The following SPAG16 variants were observed in gnomAD, a reference collection of about 807,000 sequenced individuals.
SPAG16 encodes the protein sperm associated antigen 16.
In SPAG16, 86 loss-of-function variants were observed where a neutral mutation model predicts 80.4. The observed-to-expected ratio is 1.07, with a 90% confidence interval of 0.90 to 1.28. The LOEUF is 1.28. Among genes scored for constraint, SPAG16 ranks in the 50% most tolerant of loss-of-function variants. SPAG16 has a pLI of 0.00. For synonymous variants in SPAG16, 294 were observed against 265.9 expected, an observed-to-expected ratio of 1.11 and a Z score of -1.03; for missense variants, 870 against 765.3, an observed-to-expected ratio of 1.14 and a Z score of -1.61.
chr2:214,397,260 A>T lies in SPAG16; in HGVS notation c.1721-12880A>T, dbSNP rs567876133. Among the ~76,000 whole-genome samples the T allele has an allele frequency of 3.1e-4, 46 of 149,732 alleles. No homozygotes were observed. The South Asian group carries it at 9.4e-3, about 31-fold the overall frequency. On this transcript the variant is annotated intron_variant, in intron 15 of 15. Coordinates refer to ENST00000331683, the MANE Select transcript of SPAG16 (RefSeq NM_024532.5). ...AACCTCCGCCTCCTGGATTCAAGCG[A>T]TTCTCCTGCCTCAGCCTCCCAAGTA...
chr2:213,667,180 G>GT, intron 10 of SPAG16, among the ~76,000 whole-genome samples: 1 of 152,302 alleles, frequency 6.6e-6, no homozygotes, highest in Middle Eastern at 3.4e-3. Context: ...AATATTGTTT[G>GT]TATCAGTCAC....
At chr2:213,858,351 CTGAT>C (rs1575375345) in intron 10 of SPAG16, among the ~76,000 whole-genome samples, 3 of 152,164 alleles carry the variant, frequency 2.0e-5, no homozygotes, top group Non-Finnish European at 4.4e-5. Context: ...AACCACAACT[CTGAT>C]TGGTCAGCAG....
intron 10 of SPAG16, among the ~76,000 whole-genome samples, chr2:213,681,015 A>G (rs920493888): frequency 1.3e-5 from 2 of 152,206 alleles, no homozygotes; most frequent in Non-Finnish European, 2.9e-5. Context: ...TTTATGGTGC[A>G]GAGGAATCTC....
chr2:213,825,533 T>A (rs1287568352), intron 10 of SPAG16, among the ~76,000 whole-genome samples: 2 of 152,084 alleles, frequency 1.3e-5, no homozygotes, highest in African/African-American at 4.8e-5. Flanking sequence ...CATCGATTGA[T>A]TTGCATATGT....
At chr2:213,672,368 T>C (rs1228926472) in intron 10 of SPAG16, among the ~76,000 whole-genome samples, 1 of 152,108 alleles carries the variant, frequency 6.6e-6, no homozygotes, top group Non-Finnish European at 1.5e-5. Flanking sequence ...CTCCCTTCTT[T>C]CCTTTCTTTC....
At chr2:214,097,047 G>C (rs966830423) in intron 13 of SPAG16, among the ~76,000 whole-genome samples, 9 of 151,838 alleles carry the variant, frequency 5.9e-5, no homozygotes, top group African/African-American at 2.2e-4. Flanking sequence ...TTGCTCTATT[G>C]TATTAAAATG....
chr2:213,651,433 T>A (rs1404538152), intron 10 of SPAG16, among the ~76,000 whole-genome samples: 1 of 152,212 alleles, frequency 6.6e-6, no homozygotes, highest in Admixed American at 6.5e-5. Context: ...GAGAAACCGG[T>A]ACTTCCTTTT....
At chr2:213,922,885 G>C (rs191996733) in intron 11 of SPAG16, among the ~76,000 whole-genome samples, 67 of 152,182 alleles carry the variant, frequency 4.4e-4, no homozygotes, top group South Asian at 8.3e-4. Flanking sequence ...CAAGGGCTGC[G>C]GTTGACAGAC....
intron 12 of SPAG16, among the ~76,000 whole-genome samples, chr2:213,936,631 G>C (rs2079000540): frequency 1.3e-5 from 2 of 152,178 alleles, no homozygotes; most frequent in Admixed American, 1.3e-4. Flanking sequence ...TGTGAATTGT[G>C]AGAGAAAGAG....
intron 10 of SPAG16, among the ~76,000 whole-genome samples, chr2:213,586,016 C>T (rs578175873): frequency 1.3e-3 from 198 of 152,146 alleles, no homozygotes; most frequent in Non-Finnish European, 2.3e-3. Context: ...AATATACTGA[C>T]GTATACCATG....
intron 15 of SPAG16, among the ~76,000 whole-genome samples, chr2:214,388,447 T>C (rs1306297040): frequency 2.6e-5 from 4 of 152,282 alleles, no homozygotes; most frequent in Non-Finnish European, 5.9e-5. Context: ...ATATATATGA[T>C]CTTTACATCC....
At chr2:213,473,796 T>C (rs1206530403) in intron 9 of SPAG16, among the ~76,000 whole-genome samples, 2 of 152,214 alleles carry the variant, frequency 1.3e-5, no homozygotes, top group Admixed American at 6.5e-5. Context: ...TTTCTGTTTA[T>C]ATAAATTAGA....
intron 11 of SPAG16, among the ~76,000 whole-genome samples, chr2:213,926,256 T>C (rs955064856): frequency 7.2e-5 from 11 of 152,180 alleles, no homozygotes; most frequent in African/African-American, 2.7e-4. Flanking sequence ...TTTATTTCCA[T>C]AGGTTTTTGC....
At chr2:214,395,892 T>C (rs1701338245) in intron 15 of SPAG16, among the ~76,000 whole-genome samples, 1 of 152,212 alleles carries the variant, frequency 6.6e-6, no homozygotes, top group South Asian at 2.1e-4. Flanking sequence ...TAGTATTCCA[T>C]GGTATATATG....
intron 10 of SPAG16, among the ~76,000 whole-genome samples, chr2:213,726,192 C>A (rs966176105): frequency 6.6e-6 from 1 of 152,206 alleles, no homozygotes; most frequent in African/African-American, 2.4e-5. Context: ...CCAGGAGCAA[C>A]CCTCAGTCGG....
At chr2:213,532,436 G>C in intron 10 of SPAG16, among the ~76,000 whole-genome samples, 1 of 150,844 alleles carries the variant, frequency 6.6e-6, no homozygotes, top group East Asian at 1.9e-4. Flanking sequence ...TTTCTTGAAA[G>C]TTTCTCTTCA....
intron 14 of SPAG16, among the ~76,000 whole-genome samples, chr2:214,142,523 G>T (rs1355187023): frequency 2.6e-5 from 4 of 151,896 alleles, no homozygotes; most frequent in Non-Finnish European, 5.9e-5. Flanking sequence ...CTTTCTTTGT[G>T]CTTACCCTTC....
intron 11 of SPAG16, among the ~76,000 whole-genome samples, chr2:213,873,707 A>G (rs1003315484): frequency 5.3e-5 from 8 of 151,910 alleles, no homozygotes; most frequent in Non-Finnish European, 1.0e-4. Context: ...ATATCAAAAT[A>G]TTTTCAGATT....
chr2:214,280,072 A>T (rs555561131), intron 15 of SPAG16, among the ~76,000 whole-genome samples: 1 of 152,338 alleles, frequency 6.6e-6, no homozygotes, highest in East Asian at 1.9e-4. Context: ...ACACTAGAAG[A>T]CATGAAAATT....
Sources: allele counts gnomAD v4.1 joint callset (sites outside exome capture counted in the v4.1 genomes callset), GRCh38; gene constraint gnomAD v4.1.1; transcripts MANE v1.5; gene names NCBI Gene and HGNC (gene_info 2026-07-23, HGNC 2026-07-21).